The following SYT16 variants were observed in gnomAD, a reference collection of about 807,000 sequenced individuals.
SYT16 encodes the protein synaptotagmin-16.
SYT16 carries 42 observed loss-of-function variants against 61.4 expected under a neutral mutation model. The observed-to-expected ratio is 0.68, with a 90% CI of 0.53 to 0.89. The LOEUF (loss-of-function observed/expected upper bound fraction) is 0.89, where lower values mean the gene tolerates loss of function less well. SYT16 is among the 40% of genes least tolerant of loss of function. SYT16 has a pLI of 0.00. For missense variants in SYT16, 804 were observed against 807.3 expected (o/e 1.00, Z 0.05); for synonymous variants, 314 against 302.3 (o/e 1.04, Z -0.40).
chr14:62,016,719 GA>G (rs949322408), intron 3 of SYT16, among the ~76,000 whole-genome samples: 1 of 151,156 alleles, frequency 6.6e-6, no homozygotes, highest in Non-Finnish European at 1.5e-5. Flanking sequence ...TCTCAAAAAA[GA>G]AAAAAAATAA....
At chr14:62,058,182 C>T (rs2055651179) in intron 3 of SYT16, among the ~76,000 whole-genome samples, 1 of 151,856 alleles carries the variant, frequency 6.6e-6, no homozygotes, top group Non-Finnish European at 1.5e-5. Flanking sequence ...TCATGTGTTG[C>T]CAGGCTTTTG....
chr14:62,067,094 G>C (rs545433450), intron 3 of SYT16, among the ~76,000 whole-genome samples: 2 of 148,626 alleles, frequency 1.3e-5, no homozygotes, highest in African/African-American at 5.0e-5. Context: ...ACAGGGAACC[G>C]TGTGTGTGCA....
At chr14:62,083,357 G>T (rs1367008064) in intron 6 of SYT16, among the ~76,000 whole-genome samples, 2 of 152,190 alleles carry the variant, frequency 1.3e-5, no homozygotes, top group Non-Finnish European at 2.9e-5. Context: ...GTTTCAGGGG[G>T]ACAGGATTGC....
At chr14:61,821,309 T>C (rs1036119495) in intron 1 of SYT16, among the ~76,000 whole-genome samples, 3 of 152,192 alleles carry the variant, frequency 2.0e-5, no homozygotes, top group Non-Finnish European at 4.4e-5. Flanking sequence ...CACAGTCATA[T>C]TTTCTACAGT....
chr14:62,062,954 C>A (rs1054400341), intron 3 of SYT16, among the ~76,000 whole-genome samples: 2 of 152,124 alleles, frequency 1.3e-5, no homozygotes, highest in Non-Finnish European at 2.9e-5. Context: ...TAATTTTTTT[C>A]TCCATCTGTA....
At chr14:62,093,751 C>G (rs1025138726) in intron 7 of SYT16, among the ~76,000 whole-genome samples, 9 of 152,006 alleles carry the variant, frequency 5.9e-5, no homozygotes, top group Admixed American at 5.9e-4. Flanking sequence ...TCAATAGATG[C>G]AAAAAGTTGC....
In SYT16 at chr14:62,000,098, G is replaced by GGTTTTTTTTTTTTTTTTTTTTTTTTT. The variant is rs1566751979; in HGVS notation, c.523+3556_523+3557insGTTTTTTTTTTTTTTTTTTTTTTTTT. Among the ~76,000 whole-genome samples the GGTTTTTTTTTTTTTTTTTTTTTTTTT allele has an allele frequency of 3.1e-4, 11 of 35,518 alleles. 3 individuals are homozygous for GGTTTTTTTTTTTTTTTTTTTTTTTTT. Among genetic ancestry groups the GGTTTTTTTTTTTTTTTTTTTTTTTTT allele is most frequent in the African/African-American group, 7.4e-4 (4 of 5,370 alleles). 23.3% of individuals were successfully genotyped at this position (35,518 alleles called of 152,430 possible). A position where few individuals can be genotyped will look rare whatever the true frequency, so the allele number is the denominator to read the frequency against. Reference sequence around the variant, plus strand: ...TTTTCTAATACTTATTTTGTCTCTCGATTTTTTTTTTTTTTTTTTTTTTTT... The same window carrying GGTTTTTTTTTTTTTTTTTTTTTTTTT: ...TTTTCTAATACTTATTTTGTCTCTCGGTTTTTTTTTTTTTTTTTTTTTTTTTATTTTTTTTTTTTTTTTTTTTTTTT... On this transcript the variant is annotated intron_variant, in intron 3 of 7. Transcript: ENST00000683842.
chr14:62,026,551 C>T (rs1177533979), intron 3 of SYT16, among the ~76,000 whole-genome samples: 1 of 152,180 alleles, frequency 6.6e-6, no homozygotes, highest in African/African-American at 2.4e-5. Flanking sequence ...GCCTAATCAC[C>T]TCTTAAAGTC....
At chr14:61,916,793 G>A (rs1027509246) in intron 1 of SYT16, among the ~76,000 whole-genome samples, 1 of 151,982 alleles carries the variant, frequency 6.6e-6, no homozygotes, top group Admixed American at 6.6e-5. Context: ...ACCTCCATGA[G>A]ATCCACTTTT....
Position 61,956,999 on chromosome 14 carries a change from T to C in SYT16, c.-324-13133T>C, listed in dbSNP as rs201010995. 8.5e-5 allele frequency among the ~76,000 whole-genome samples: 13 copies of C among 152,100 alleles called. No homozygotes were observed. In the East Asian group the frequency reaches 2.3e-3, roughly 27 times the overall value. On this transcript the variant is annotated intron_variant, in intron 1 of 7. Transcript: ENST00000683842. ...TAAAATTTCTTTCATCAATGTTTTG[T>C]AGTTTTCCATGTATAAGTCTTTCAC...
intron 2 of SYT16, among the ~76,000 whole-genome samples, chr14:61,976,233 C>A (rs2051792550): frequency 6.6e-6 from 1 of 152,196 alleles, no homozygotes; most frequent in African/African-American, 2.4e-5. Flanking sequence ...TTCAGTCCCC[C>A]TCCTGGTTGC....
intron 1 of SYT16, among the ~76,000 whole-genome samples, chr14:61,902,414 A>G (rs1366918363): frequency 6.6e-6 from 1 of 152,168 alleles, no homozygotes; most frequent in East Asian, 1.9e-4. Context: ...CTCACCCATT[A>G]CAGGTACAGT....
At chr14:62,019,438 T>A (rs537357852) in intron 3 of SYT16, among the ~76,000 whole-genome samples, 1 of 152,346 alleles carries the variant, frequency 6.6e-6, no homozygotes, top group African/African-American at 2.4e-5. Context: ...TTTCTTGCTG[T>A]GTACCTGTGG....
chr14:61,861,598 T>C (rs1271664111), intron 1 of SYT16, among the ~76,000 whole-genome samples: 3 of 151,956 alleles, frequency 2.0e-5, no homozygotes, highest in South Asian at 2.1e-4. Context: ...AGAAAGGGGG[T>C]TTTGGCATGT....
intron 3 of SYT16, among the ~76,000 whole-genome samples, chr14:62,057,349 G>T (rs2055609953): frequency 6.6e-6 from 1 of 152,202 alleles, no homozygotes; most frequent in Non-Finnish European, 1.5e-5. Context: ...AAGGGCCCAG[G>T]TTGTAGTATC....
intron 1 of SYT16, among the ~76,000 whole-genome samples, chr14:61,951,723 T>A (rs553927736): frequency 6.6e-6 from 1 of 152,278 alleles, no homozygotes. Context: ...GAATATTCTC[T>A]GACATTTCAA....
At chr14:62,069,481 T>G in intron 3 of SYT16, 122 bp from the exon 4 acceptor site, 1 of 992,220 alleles carries the variant, frequency 1.0e-6, no homozygotes, top group Non-Finnish European at 1.5e-6. Context: ...TCTATCCAGT[T>G]TGAGTGTGCC....
rs2052739216 is a variant in SYT16 at position 61,995,718 on chromosome 14, A to G, written c.-144-158A>G. ...GTGAATAGGCATTGAAATAATCTAC[A>G]TCTAGACTTTCACAGTCATTTTTAT... On this transcript the variant is annotated intron_variant, in intron 2 of 7. Coordinates refer to ENST00000683842, the MANE Select transcript of SYT16 (RefSeq NM_001367656.1). 4 of 284,962 alleles carry G rather than the reference A, an allele frequency of 1.4e-5. No individual in the cohort carries two copies. In the South Asian group the frequency reaches 3.9e-4, roughly 28 times the overall value. The allele number at this position is 284,962 out of a possible 1,614,324, so 17.7% of individuals were successfully genotyped here.
chr14:62,034,365 GA>G (rs1167153171), intron 3 of SYT16, among the ~76,000 whole-genome samples: 2 of 152,102 alleles, frequency 1.3e-5, no homozygotes, highest in Admixed American at 1.3e-4. Flanking sequence ...AAATTCAAGA[GA>G]AATGAAAACA....
Sources: gnomAD v4.1 joint callset for allele counts (sites outside exome capture counted in the v4.1 genomes callset) on GRCh38, gnomAD v4.1.1 for gene constraint, MANE v1.5 for transcripts, NCBI Gene and HGNC (gene_info 2026-07-23, HGNC 2026-07-21) for gene names.